ITPR1: variants seen among roughly 807,000 people sequenced by gnomAD.
ITPR1 encodes inositol 1,4,5-trisphosphate-gated calcium channel ITPR1.
ITPR1 carries 96 observed loss-of-function variants against 318.4 expected under a neutral mutation model. The ratio of observed to expected loss-of-function variants is 0.30; its 90% CI spans 0.26 to 0.36. ITPR1 has a LOEUF of 0.36. ITPR1 is among the 10% of genes least tolerant of loss of function. The pLI, the probability that ITPR1 is intolerant of heterozygous loss-of-function variation, is 1.00. For synonymous variants in ITPR1, 1,312 were observed against 1,289.9 expected (o/e 1.02, Z -0.37); for missense variants, 2,440 against 3,460.2 (o/e 0.71, Z 7.40).
At position 4,818,140 on chromosome 3, in the gene ITPR1, A is replaced by G. The variant is rs763498610; in HGVS notation, c.7926A>G (p.Glu2642=). ...KTVTFEEHIK[E]EHNMWHYLCF... is the part of the protein sequence containing the mutation. Reference sequence around the variant, plus strand: ...TCACCTTTGAAGAGCACATCAAGGAAGAACACAACATGTGGCACTATCTGT... The same window carrying G: ...TCACCTTTGAAGAGCACATCAAGGAGGAACACAACATGTGGCACTATCTGT... The change falls in exon 60 of 62, where the codon GAA becomes GAG. Residue 2642 remains glutamate (E), a synonymous_variant. Transcript: ENST00000649015. 293 of 1,608,282 alleles carry G rather than the reference A, an allele frequency of 1.8e-4. No individual in the cohort carries two copies. The highest frequency in any genetic ancestry group is 2.3e-4 in the Non-Finnish European group (273 of 1,175,514).
At chr3:4,535,421 A>G (rs577862899) in intron 4 of ITPR1, among the ~76,000 whole-genome samples, 1 of 103,216 alleles carries the variant, frequency 9.7e-6, no homozygotes, top group East Asian at 2.7e-4. Flanking sequence ...AAGGAAAATT[A>G]TTTTCTTTTT....
chr3:4,790,405 CT>C (rs1559901664), intron 52 of ITPR1, among the ~76,000 whole-genome samples: 1 of 152,128 alleles, frequency 6.6e-6, no homozygotes, highest in Non-Finnish European at 1.5e-5. Context: ...TTCAGTCATT[CT>C]TTTTTTGAAA....
chr3:4,711,784 A>G lies in ITPR1; in HGVS notation c.5019A>G (p.Leu1673=). The G allele has an allele frequency of 6.4e-7, 1 of 1,551,262 alleles. No homozygotes were observed. The highest frequency in any genetic ancestry group is 1.2e-5 in the South Asian group (1 of 84,066). Residue 1673 remains leucine (L), a synonymous_variant, in exon 39 of 62, where the codon CTA becomes CTG. Coordinates refer to ENST00000649015, the MANE Select transcript of ITPR1 (RefSeq NM_001378452.1). ...CKLIKHTKQL[L]EENEEKLCIK... ...TAATAAAGCATACAAAACAGCTGCTAGAAGAAAATGAAGAGAAGCTCTGCA... is the reference window on the plus strand; with the variant it reads ...TAATAAAGCATACAAAACAGCTGCTGGAAGAAAATGAAGAGAAGCTCTGCA...
intron 49 of ITPR1, 110 bp from the exon 50 acceptor site, chr3:4,782,509 G>C: frequency 8.6e-7 from 1 of 1,165,638 alleles, no homozygotes; most frequent in Non-Finnish European, 1.2e-6. Context: ...GAGAGAGTGC[G>C]GAACAGCCTT....
intron 20 of ITPR1, chr3:4,671,458 C>A (rs1247098476): frequency 6.6e-6 from 1 of 152,302 alleles, no homozygotes; most frequent in Non-Finnish European, 1.5e-5. Flanking sequence ...CTAATACTTC[C>A]AATTCCATTC....
At position 4,833,977 on chromosome 3, in the gene ITPR1, G is replaced by A. The variant is rs551595628; in HGVS notation, c.8029-2797G>A. ...CACAATTATGACTCACTGCAGCTTC[G>A]ACCTCCTGGGCTCAAACGATCCTCC... On this transcript the variant is annotated intron_variant, in intron 60 of 61. Coordinates refer to ENST00000649015, the MANE Select transcript of ITPR1 (RefSeq NM_001378452.1). Among the ~76,000 whole-genome samples, 11 of 152,172 alleles carry A rather than the reference G, an allele frequency of 7.2e-5. No individual in the cohort carries two copies. The East Asian group carries it at 1.7e-3, about 24-fold the overall frequency.
intron 2 of ITPR1, among the ~76,000 whole-genome samples, chr3:4,509,245 G>A (rs967219763): frequency 6.6e-6 from 1 of 152,164 alleles, no homozygotes; most frequent in African/African-American, 2.4e-5. Context: ...AATTTATGAG[G>A]CTGGAATTCA....
chr3:4,782,597 G>T (rs767958809), intron 49 of ITPR1, 22 bp from the exon 50 acceptor site: 3 of 1,588,164 alleles, frequency 1.9e-6, no homozygotes, highest in Non-Finnish European at 1.7e-6. Flanking sequence ...CAGGATTTTT[G>T]TTCCCTTGGC....
At chr3:4,578,645 A>G (rs563461100) in intron 4 of ITPR1, among the ~76,000 whole-genome samples, 1 of 152,292 alleles carries the variant, frequency 6.6e-6, no homozygotes, top group East Asian at 1.9e-4. Context: ...CGTTGTTCAT[A>G]GAGCCACGTG....
chr3:4,507,532 T>C (rs1018422129), intron 2 of ITPR1, among the ~76,000 whole-genome samples: 1 of 152,230 alleles, frequency 6.6e-6, no homozygotes, highest in Non-Finnish European at 1.5e-5. Context: ...TTCCTAAAGT[T>C]CCTCCTGAAA....
At position 4,733,128 on chromosome 3, in the gene ITPR1, G is replaced by A; in HGVS notation, c.5261G>A (p.Gly1754Glu). 3.7e-6 allele frequency: 6 copies of A among 1,613,774 alleles called. No homozygotes were observed. The highest frequency in any genetic ancestry group is 5.1e-6 in the Non-Finnish European group (6 of 1,179,786). ...LRQVLVNRYY[G>E]NVRPSGRRES... ...CAAGTTCTGGTCAACCGTTACTATG[G>A]AAACGTCAGACCTTCGGGACGAAGA... Residue 1754 changes from glycine to glutamate, a missense_variant, in exon 43 of 62, where the codon GGA (glycine) becomes GAA (glutamate). Transcript: ENST00000649015.
rs748996100 is a variant in ITPR1 at position 4,777,259 on chromosome 3, C to T, written c.6181-5C>T. The stretch of plus-strand genomic sequence containing the variant: ...GTGTGAATGTCTGTGTGTGTCTTTG[C>T]TCAGAACTGCATAGCCACCCATGAA... On this transcript the variant is annotated splice_region_variant and splice_polypyrimidine_tract_variant and intron_variant, in intron 47 of 61. Coordinates refer to ENST00000649015, the MANE Select transcript of ITPR1 (RefSeq NM_001378452.1). The T allele has an allele frequency of 1.0e-5, 16 of 1,573,272 alleles. No homozygotes were observed. The highest frequency in any genetic ancestry group is 7.0e-5 in the Admixed American group (4 of 57,190).
At chr3:4,716,149 ACT>A (rs1477108032) in intron 39 of ITPR1, among the ~76,000 whole-genome samples, 1 of 152,180 alleles carries the variant, frequency 6.6e-6, no homozygotes, top group Non-Finnish European at 1.5e-5. Flanking sequence ...CTTTATAAAC[ACT>A]CTGTGTGCAA....
intron 4 of ITPR1, among the ~76,000 whole-genome samples, chr3:4,611,679 G>A (rs961937418): frequency 3.3e-5 from 5 of 152,068 alleles, no homozygotes; most frequent in South Asian, 2.1e-4. Context: ...GAGGGAGGCC[G>A]CGGCTGCAGT....
intron 4 of ITPR1, among the ~76,000 whole-genome samples, chr3:4,588,409 C>G (rs1285298184): frequency 6.6e-6 from 1 of 151,754 alleles, no homozygotes; most frequent in African/African-American, 2.4e-5. Flanking sequence ...AACGTGTATT[C>G]AAAGCAGCTG....
At position 4,688,597 on chromosome 3, in the gene ITPR1, A is replaced by T; in HGVS notation, c.3805A>T (p.Ile1269Leu). The change falls in exon 31 of 62, where the codon ATA becomes TTA. Residue 1269 changes from isoleucine (I) to leucine (L), a missense_variant. By Grantham distance (5) the Ile-to-Leu change is conservative (BLOSUM62 2). This residue lies in a region of ITPR1 where 222 missense variants were observed against 318.8 expected (regional missense o/e 0.70). Coordinates refer to ENST00000649015, the MANE Select transcript of ITPR1 (RefSeq NM_001378452.1). ...GAATCAAGCTTTGCTACATAAACAC[A>T]TAAACCTGTTTCTCAACCCAGGGGT... is the stretch of plus-strand genomic sequence containing the variant. ...QQNQALLHKH[I>L]NLFLNPGILE... 6.2e-7 allele frequency: 1 copy of T among 1,613,982 alleles called. No individual in the cohort carries two copies. The highest frequency in any genetic ancestry group is 8.5e-7 in the Non-Finnish European group (1 of 1,179,834).
At chr3:4,578,610 T>C (rs933696802) in intron 4 of ITPR1, among the ~76,000 whole-genome samples, 4 of 152,150 alleles carry the variant, frequency 2.6e-5, no homozygotes, top group African/African-American at 7.2e-5. Flanking sequence ...TGTTCTGTGA[T>C]GAGCTTCTTC....
intron 37 of ITPR1, among the ~76,000 whole-genome samples, chr3:4,709,864 C>T (rs1168980369): frequency 1.3e-5 from 2 of 152,122 alleles, no homozygotes; most frequent in Non-Finnish European, 2.9e-5. Context: ...AGAAGAAAAT[C>T]AGAATCACCT....
chr3:4,620,054 A>G (rs142863410), intron 4 of ITPR1, among the ~76,000 whole-genome samples: 27 of 151,942 alleles, frequency 1.8e-4, no homozygotes, highest in African/African-American at 6.5e-4. Context: ...TCCTATTTCA[A>G]AAGGTAAAAA....
Sources: gnomAD v4.1 joint callset for allele counts (sites outside exome capture counted in the v4.1 genomes callset) on GRCh38, gnomAD v4.1.1 for gene constraint, gnomAD v4.1.1 regional missense constraint, MANE v1.5 for transcripts, NCBI Gene and HGNC (gene_info 2026-07-23, HGNC 2026-07-21) for gene names.